PATL2: variants seen among roughly 807,000 people sequenced by gnomAD.
PATL2 encodes the protein PAT1 homolog 2, also known as protein PAT1 homolog 2.
In PATL2, 73 loss-of-function variants were observed where a neutral mutation model predicts 77.0. The observed-to-expected ratio is 0.95, with a 90% CI of 0.78 to 1.15. The LOEUF (loss-of-function observed/expected upper bound fraction) is 1.15, where lower values mean the gene tolerates loss of function less well. Among genes scored for constraint, PATL2 ranks in the 50% most tolerant of loss-of-function variants. The pLI is 0.00. For synonymous variants in PATL2, 265 were observed against 257.1 expected (o/e 1.03, Z -0.29); for missense variants, 618 against 655.4 (o/e 0.94, Z 0.62).
At chr15:44,673,672 CT>C (rs1182553122) in intron 6 of PATL2, among the ~76,000 whole-genome samples, 2 of 152,182 alleles carry the variant, frequency 1.3e-5, no homozygotes, top group African/African-American at 4.8e-5. Context: ...TAATAGTCTT[CT>C]CTTGGGCTGT....
chr15:44,692,983 T>C (rs2086425565), intron 3 of PATL2, among the ~76,000 whole-genome samples: 1 of 152,216 alleles, frequency 6.6e-6, no homozygotes, highest in Non-Finnish European at 1.5e-5. Context: ...AAGCCAGGCT[T>C]TGGCAAAACT....
rs549666385 is a variant in PATL2, at chr15:44,704,002, T to C, written c.-76+6094A>G. Among the ~76,000 whole-genome samples the C allele has an allele frequency of 4.6e-5, 7 of 152,028 alleles. No individual in the cohort carries two copies. The South Asian group carries it at 1.0e-3, about 23-fold the overall frequency. On this transcript the variant is annotated intron_variant, in intron 3 of 17. Coordinates refer to ENST00000682850, the MANE Select transcript of PATL2 (RefSeq NM_001387263.1). ...TGTTGTATGTTGTTTTGGGGACTTTTTTTGAGATGGGGATCTCGCTTTGTC... is the reference window on the plus strand; with the variant it reads ...TGTTGTATGTTGTTTTGGGGACTTTCTTTGAGATGGGGATCTCGCTTTGTC...
At chr15:44,708,272 AG>A (rs1343908291) in intron 3 of PATL2, among the ~76,000 whole-genome samples, 1 of 152,228 alleles carries the variant, frequency 6.6e-6, no homozygotes, top group Non-Finnish European at 1.5e-5. Flanking sequence ...GTGTTCCTGC[AG>A]GGAGCAGGAT....
intron 3 of PATL2, among the ~76,000 whole-genome samples, chr15:44,679,937 G>T (rs1311336614): frequency 6.6e-6 from 1 of 152,214 alleles, no homozygotes; most frequent in African/African-American, 2.4e-5. Context: ...GCAGTCACCA[G>T]AACCTGGAGA....
intron 4 of PATL2, 62 bp from the exon 5 acceptor site, chr15:44,675,753 G>A: frequency 7.2e-7 from 1 of 1,397,780 alleles, no homozygotes; most frequent in Non-Finnish European, 9.6e-7. Context: ...GTCTTGTCTA[G>A]AGAGGCTGCT....
At chr15:44,700,301 T>G (rs1050090413) in intron 3 of PATL2, among the ~76,000 whole-genome samples, 1 of 152,148 alleles carries the variant, frequency 6.6e-6, no homozygotes, top group Non-Finnish European at 1.5e-5. Context: ...TCTTTTTATT[T>G]TCTTTCTTTT....
At chr15:44,669,194 A>G (rs2085536722) in intron 13 of PATL2, 55 bp from the exon 14 acceptor site, 3 of 1,522,294 alleles carry the variant, frequency 2.0e-6, no homozygotes, top group East Asian at 2.5e-5. Context: ...AGAGGGCTAC[A>G]TGCCACAAAG....
chr15:44,690,722 G>T (rs1329863271), intron 3 of PATL2, among the ~76,000 whole-genome samples: 2 of 152,082 alleles, frequency 1.3e-5, no homozygotes, highest in South Asian at 2.1e-4. Flanking sequence ...TTCTGAAGAT[G>T]TTAAGAGTTC....
chr15:44,697,216 C>T (rs1360825439), intron 3 of PATL2: 3 of 151,372 alleles, frequency 2.0e-5, no homozygotes, highest in African/African-American at 4.9e-5. Flanking sequence ...CTCCTTCTTC[C>T]TTTTCCTCTT....
At chr15:44,669,483 C>T (rs1277701923) in intron 12 of PATL2, 27 bp downstream of exon 12, 2 of 1,550,096 alleles carry the variant, frequency 1.3e-6, no homozygotes, top group Non-Finnish European at 1.7e-6. Context: ...AGGTTTGGAA[C>T]TCGTCCCTAA....
intron 3 of PATL2, among the ~76,000 whole-genome samples, chr15:44,687,945 A>G (rs2141240487): frequency 1.3e-5 from 2 of 152,328 alleles, no homozygotes; most frequent in East Asian, 3.9e-4. Flanking sequence ...ATGGATAGGA[A>G]GAATCAATAT....
intron 3 of PATL2, among the ~76,000 whole-genome samples, chr15:44,687,515 C>G (rs192896137): frequency 1.3e-4 from 20 of 151,774 alleles, no homozygotes; most frequent in African/African-American, 4.8e-4. Flanking sequence ...GATGCCTTCT[C>G]TCACCACTCC....
chr15:44,696,657 C>T (rs1301837707), intron 3 of PATL2, among the ~76,000 whole-genome samples: 1 of 152,070 alleles, frequency 6.6e-6, no homozygotes, highest in African/African-American at 2.4e-5. Flanking sequence ...GTACTCGCCT[C>T]ATATGGATCC....
intron 3 of PATL2, among the ~76,000 whole-genome samples, chr15:44,681,241 A>C (rs1015171995): frequency 1.3e-5 from 2 of 151,678 alleles, no homozygotes; most frequent in African/African-American, 4.8e-5. Flanking sequence ...CTGGTCTCAA[A>C]CTCCTGGGCT....
chr15:44,668,225 G>T, intron 15 of PATL2, 117 bp downstream of exon 15: 1 of 1,233,902 alleles, frequency 8.1e-7, no homozygotes, highest in Non-Finnish European at 1.1e-6. Flanking sequence ...ACTAGAAATA[G>T]AGAAGCACTG....
chr15:44,674,184 C>A lies in PATL2; in HGVS notation c.269G>T (p.Gly90Val). 1 of 1,550,986 alleles carries A rather than the reference C, an allele frequency of 6.4e-7. No homozygotes were observed. The highest frequency in any genetic ancestry group is 8.7e-7 in the Non-Finnish European group (1 of 1,146,360). ...SPGVKAPGML[G>V]MSLASLHFLW... Reference sequence around the variant, plus strand: ...AAAATGCAAGGAGGCAAGTGACATTCCCAGCATACCAGGGGCCTTGACTCC... The same window carrying A: ...AAAATGCAAGGAGGCAAGTGACATTACCAGCATACCAGGGGCCTTGACTCC... The change falls in exon 6 of 18, where the codon GGA becomes GTA. Residue 90 changes from glycine to valine, a missense_variant. Coordinates refer to ENST00000682850, the MANE Select transcript of PATL2 (RefSeq NM_001387263.1).
In PATL2 at chr15:44,672,165, C is replaced by T. The variant is rs1378087651; in HGVS notation, c.516-9G>A. ...GCTTCTTGGCTGGGGGACTTTAAGC[C>T]AGGAGGAACAACCCTTTAGACTTAC... On this transcript the variant is annotated splice_polypyrimidine_tract_variant and intron_variant, in intron 8 of 17. Coordinates refer to ENST00000682850, the MANE Select transcript of PATL2 (RefSeq NM_001387263.1). 1.3e-6 allele frequency: 2 copies of T among 1,551,682 alleles called. No individual in the cohort carries two copies. Among genetic ancestry groups the T allele is most frequent in the South Asian group, 1.2e-5 (1 of 84,066 alleles).
At chr15:44,673,111 A>G (rs543974833) in intron 7 of PATL2, 124 bp downstream of exon 7, 2 of 1,267,032 alleles carry the variant, frequency 1.6e-6, no homozygotes, top group South Asian at 1.6e-5. Flanking sequence ...AGACGGAATT[A>G]GACTATACCT....
At chr15:44,668,277 T>C in intron 15 of PATL2, 65 bp downstream of exon 15, 1 of 1,494,404 alleles carries the variant, frequency 6.7e-7, no homozygotes. Context: ...GTCCCCCAAC[T>C]TACCCCTTAT....
Sources: gnomAD v4.1 joint callset for allele counts (sites outside exome capture counted in the v4.1 genomes callset) on GRCh38, gnomAD v4.1.1 for gene constraint, MANE v1.5 for transcripts, NCBI Gene and HGNC (gene_info 2026-07-23, HGNC 2026-07-21) for gene names.